The following POU6F2 variants were observed in gnomAD, a reference collection of about 807,000 sequenced individuals.
POU6F2 encodes POU domain, class 6, transcription factor 2.
Under a neutral mutation model 71.3 loss-of-function variants are expected in POU6F2, and 31 were observed. The ratio of observed to expected loss-of-function variants is 0.43; its 90% CI spans 0.33 to 0.59. The LOEUF (loss-of-function observed/expected upper bound fraction) is 0.59. Ranked by LOEUF, POU6F2 falls within the 20% of genes least tolerant of loss-of-function variation. POU6F2 has a pLI of 0.04. For synonymous variants in POU6F2, 347 were observed against 355.7 expected, an observed-to-expected ratio of 0.98 and a Z score of 0.27; for missense variants, 783 against 856.8, an observed-to-expected ratio of 0.91 and a Z score of 1.07.
At chr7:39,461,772 C>T (rs1788955280) in intron 9 of POU6F2, among the ~76,000 whole-genome samples, 1 of 152,188 alleles carries the variant, frequency 6.6e-6, no homozygotes, top group Admixed American at 6.5e-5. Context: ...GATCCTCTCA[C>T]TTCTATGGCC....
At chr7:39,393,842 A>G (rs780629933) in intron 5 of POU6F2, among the ~76,000 whole-genome samples, 7 of 152,212 alleles carry the variant, frequency 4.6e-5, no homozygotes, top group Non-Finnish European at 7.3e-5. Context: ...TATTATGCAT[A>G]ACATTTGTTA....
chr7:38,990,309 C>T (rs1788571319), intron 1 of POU6F2, among the ~76,000 whole-genome samples: 2 of 152,116 alleles, frequency 1.3e-5, no homozygotes, highest in Non-Finnish European at 2.9e-5. Context: ...TTTTATCTGG[C>T]TGTTTTCAAC....
At chr7:39,244,954 TA>T (rs2128751860) in intron 4 of POU6F2, among the ~76,000 whole-genome samples, 1 of 152,330 alleles carries the variant, frequency 6.6e-6, no homozygotes, top group Non-Finnish European at 1.5e-5. Context: ...TGGCCTTTAA[TA>T]TTTCCAGAGG....
intron 1 of POU6F2, among the ~76,000 whole-genome samples, chr7:39,005,736 T>C (rs759571393): frequency 6.6e-6 from 1 of 152,128 alleles, no homozygotes; most frequent in Non-Finnish European, 1.5e-5. Flanking sequence ...TGAGATTTCC[T>C]TTGTTTTGGC....
intron 4 of POU6F2, among the ~76,000 whole-genome samples, chr7:39,315,498 TG>T (rs1785246778): frequency 6.6e-6 from 1 of 152,234 alleles, no homozygotes; most frequent in African/African-American, 2.4e-5. Context: ...CCAGTAAATC[TG>T]TATTGTTAGA....
chr7:39,200,352 C>G (rs1343752775), intron 2 of POU6F2, among the ~76,000 whole-genome samples: 5 of 152,186 alleles, frequency 3.3e-5, no homozygotes, highest in Non-Finnish European at 7.3e-5. Context: ...GGAAGCTCCA[C>G]AAATGATTCG....
chr7:39,290,128 TAC>T (rs768073927), intron 4 of POU6F2, among the ~76,000 whole-genome samples: 1 of 152,242 alleles, frequency 6.6e-6, no homozygotes, highest in Non-Finnish European at 1.5e-5. Flanking sequence ...ACCTTTCTTG[TAC>T]ACACAGATAT....
At chr7:39,128,291 A>C (rs1281188129) in intron 2 of POU6F2, among the ~76,000 whole-genome samples, 1 of 152,168 alleles carries the variant, frequency 6.6e-6, no homozygotes, top group Non-Finnish European at 1.5e-5. Context: ...TATAAGATTA[A>C]ATTCAATATT....
intron 4 of POU6F2, among the ~76,000 whole-genome samples, chr7:39,289,324 A>G (rs779052511): frequency 1.3e-5 from 2 of 152,262 alleles, no homozygotes; most frequent in Non-Finnish European, 2.9e-5. Flanking sequence ...CGTTCTAGCT[A>G]TGAAACCACC....
intron 2 of POU6F2, among the ~76,000 whole-genome samples, chr7:39,198,830 T>G (rs536009939): frequency 6.6e-6 from 1 of 152,302 alleles, no homozygotes; most frequent in South Asian, 2.1e-4. Flanking sequence ...CTCCTTGGCA[T>G]TTAGTAATCT....
chr7:39,324,276 G>T (rs1785464664), intron 4 of POU6F2, among the ~76,000 whole-genome samples: 1 of 152,160 alleles, frequency 6.6e-6, no homozygotes, highest in Non-Finnish European at 1.5e-5. Context: ...AAACTTCCCT[G>T]GCTCTCCCGC....
At chr7:39,308,560 C>G (rs1785093427) in intron 4 of POU6F2, among the ~76,000 whole-genome samples, 1 of 152,148 alleles carries the variant, frequency 6.6e-6, no homozygotes, top group Non-Finnish European at 1.5e-5. Flanking sequence ...GCTCATGTCT[C>G]TAGGTAAAAA....
chr7:39,209,141 T>C (rs1794089653), intron 4 of POU6F2, among the ~76,000 whole-genome samples: 1 of 152,200 alleles, frequency 6.6e-6, no homozygotes. Context: ...TCAAAATTAA[T>C]GATTGGTCCA....
At chr7:39,297,196 T>TACACACACACACACACACACAC (rs61192418) in intron 4 of POU6F2, among the ~76,000 whole-genome samples, 12 of 139,018 alleles carry the variant, frequency 8.6e-5, no homozygotes, top group Non-Finnish European at 1.9e-4. Context: ...CACATACACA[T>TACACACACACACACACACACAC]ACACACACAC....
intron 1 of POU6F2, among the ~76,000 whole-genome samples, chr7:39,010,406 TTC>T (rs1276341648): frequency 6.6e-6 from 1 of 151,084 alleles, no homozygotes; most frequent in Non-Finnish European, 1.5e-5. Flanking sequence ...TATTTGATTC[TTC>T]TCTCTTTTTT....
At chr7:39,337,243 G>T (rs1025360052) in intron 4 of POU6F2, among the ~76,000 whole-genome samples, 1 of 152,144 alleles carries the variant, frequency 6.6e-6, no homozygotes, top group African/African-American at 2.4e-5. Context: ...AGGAAATTTG[G>T]TTTGATGAAA....
intron 4 of POU6F2, among the ~76,000 whole-genome samples, chr7:39,236,319 T>C (rs1794676315): frequency 6.6e-6 from 1 of 152,168 alleles, no homozygotes; most frequent in South Asian, 2.1e-4. Context: ...AAAATTAATA[T>C]CATAGCACTT....
chr7:39,456,493 C>T (rs994630754), intron 8 of POU6F2, among the ~76,000 whole-genome samples: 1 of 152,160 alleles, frequency 6.6e-6, no homozygotes, highest in Non-Finnish European at 1.5e-5. Flanking sequence ...AAAGAGCATT[C>T]GTCTTTTGAT....
intron 2 of POU6F2, among the ~76,000 whole-genome samples, chr7:39,148,575 ATGATGATGATAATGATGATAATGATGG>A: frequency 6.6e-6 from 1 of 151,308 alleles, no homozygotes; most frequent in East Asian, 1.9e-4. Flanking sequence ...GATGGTGATG[ATGATGATGATAATGATGATAATGATGG>A]TGATGATGAT....
Sources: allele counts gnomAD v4.1 joint callset (sites outside exome capture counted in the v4.1 genomes callset), GRCh38; gene constraint gnomAD v4.1.1; transcripts MANE v1.5; gene names NCBI Gene and HGNC (gene_info 2026-07-23, HGNC 2026-07-21).